Variants in ACCSL observed in about 807,000 individuals in gnomAD.
ACCSL encodes probable inactive 1-aminocyclopropane-1-carboxylate synthase-like protein 2.
In ACCSL, 55 loss-of-function variants were observed where a neutral mutation model predicts 61.7. The observed-to-expected ratio is 0.89, with a 90% CI of 0.72 to 1.12. ACCSL has a LOEUF of 1.12. Ranked by LOEUF, ACCSL falls within the 50% of genes most tolerant of loss-of-function variation. ACCSL has a pLI of 0.00. For missense variants in ACCSL, 632 were observed against 698.0 expected, an observed-to-expected ratio of 0.91 and a Z score of 1.07; for synonymous variants, 258 against 264.3, an observed-to-expected ratio of 0.98 and a Z score of 0.23.
At chr11:44,044,197 G>A (rs1318370227), upstream of ACCSL, among the ~76,000 whole-genome samples, 1 of 152,140 alleles carries the variant, frequency 6.6e-6, no homozygotes, top group East Asian at 1.9e-4. Context: ...CATGAAGCCA[G>A]GCTGGAGTTC....
the ACCSL span, among the ~76,000 whole-genome samples, chr11:44,039,516 A>AG: frequency 1.3e-5 from 2 of 152,090 alleles, no homozygotes; most frequent in African/African-American, 4.8e-5. Flanking sequence ...AAGGATGGGA[A>AG]GGGGGTGAGA....
At chr11:43,964,463 G>A in the ACCSL span, among the ~76,000 whole-genome samples, 1 of 150,114 alleles carries the variant, frequency 6.7e-6, no homozygotes, top group South Asian at 2.1e-4. Flanking sequence ...AGAAAGAAAT[G>A]TCTAGGGCCA....
At chr11:43,958,345 A>T in the ACCSL span, among the ~76,000 whole-genome samples, 32 of 152,196 alleles carry the variant, frequency 2.1e-4, no homozygotes, top group African/African-American at 7.7e-4. Flanking sequence ...TATGGCCCCC[A>T]CCCAGGAACT....
chr11:44,007,139 C>T, the ACCSL span, among the ~76,000 whole-genome samples: 1 of 152,204 alleles, frequency 6.6e-6, no homozygotes, highest in African/African-American at 2.4e-5. Flanking sequence ...ACCTGGCAGG[C>T]CCTAGGGCCA....
the ACCSL span, among the ~76,000 whole-genome samples, chr11:43,954,226 C>T: frequency 3.1e-4 from 47 of 152,238 alleles, no homozygotes; most frequent in South Asian, 9.3e-3. Flanking sequence ...CATACCGAAG[C>T]GGCCTCATTG....
intron 1 of ACCSL, among the ~76,000 whole-genome samples, chr11:44,048,801 C>G (rs1952617328): frequency 6.6e-6 from 1 of 152,146 alleles, no homozygotes; most frequent in South Asian, 2.1e-4. Context: ...CCTGTGGTCA[C>G]AGGGACAAAT....
the ACCSL span, among the ~76,000 whole-genome samples, chr11:44,009,342 G>T: frequency 6.6e-6 from 1 of 152,216 alleles, no homozygotes; most frequent in African/African-American, 2.4e-5. Context: ...ACACAGGAGG[G>T]TTCTACTGTT....
At chr11:43,987,788 C>G in the ACCSL span, among the ~76,000 whole-genome samples, 1 of 152,216 alleles carries the variant, frequency 6.6e-6, no homozygotes, top group Admixed American at 6.5e-5. Context: ...TAATCCAGCG[C>G]TCGGGGGGGT....
intron 5 of ACCSL, among the ~76,000 whole-genome samples, chr11:44,052,077 T>C (rs1475483289): frequency 6.6e-6 from 1 of 152,228 alleles, no homozygotes; most frequent in Non-Finnish European, 1.5e-5. Context: ...AAAAGGCTAA[T>C]TAGTCCTGGA....
the ACCSL span, among the ~76,000 whole-genome samples, chr11:43,967,164 C>CTTTTTTTTTTTTTT: frequency 1.5e-5 from 1 of 68,886 alleles, no homozygotes; most frequent in African/African-American, 6.0e-5. Context: ...TCTTCTTCTT[C>CTTTTTTTTTTTTTT]TTCTTTTTTT....
At chr11:44,023,599 C>A in the ACCSL span, among the ~76,000 whole-genome samples, 7 of 150,072 alleles carry the variant, frequency 4.7e-5, no homozygotes, top group African/African-American at 1.5e-4. Flanking sequence ...TTTCAAAGAA[C>A]CAACTTTTAG....
chr11:43,930,864 C>T, the ACCSL span, among the ~76,000 whole-genome samples: 1 of 152,134 alleles, frequency 6.6e-6, no homozygotes, highest in Non-Finnish European at 1.5e-5. Flanking sequence ...CTTCATGAAA[C>T]AATACTGTAT....
intron 2 of ACCSL, 63 bp from the exon 3 acceptor site, chr11:44,050,489 G>T: frequency 7.0e-7 from 1 of 1,430,538 alleles, no homozygotes; most frequent in Non-Finnish European, 9.8e-7. Flanking sequence ...TACAAACTAG[G>T]AGTAGAATGA....
At chr11:43,983,785 C>T in the ACCSL span, among the ~76,000 whole-genome samples, 9 of 151,950 alleles carry the variant, frequency 5.9e-5, no homozygotes, top group African/African-American at 2.2e-4. Context: ...TATGTGACCT[C>T]CTTGGAGCCC....
chr11:44,015,728 G>GGTGTACT, the ACCSL span, among the ~76,000 whole-genome samples: 6 of 152,276 alleles, frequency 3.9e-5, no homozygotes, highest in South Asian at 1.2e-3. Context: ...CCAGCAGGAT[G>GGTGTACT]GTGTACTAGA....
chr11:43,943,291 G>T, the ACCSL span: 1 of 1,472,800 alleles, frequency 6.8e-7, no homozygotes, highest in Non-Finnish European at 9.0e-7. The surrounding 1 kb of genome is among the most constrained non-coding windows in gnomAD (Gnocchi z 4.8). Flanking sequence ...CGCCCGCGGG[G>T]GGGACGCGCG....
chr11:44,057,908 A>G (rs1363915525), intron 11 of ACCSL, among the ~76,000 whole-genome samples: 1 of 152,220 alleles, frequency 6.6e-6, no homozygotes, highest in Non-Finnish European at 1.5e-5. Context: ...TGCAGTGGCT[A>G]ACACCTAAAA....
chr11:43,971,656 CAT>C, the ACCSL span: 1 of 152,248 alleles, frequency 6.6e-6, no homozygotes, highest in African/African-American at 2.4e-5. Context: ...GCTGGAAAGA[CAT>C]AGGAGGGGCC....
At position 44,059,874 on chromosome 11, in the gene ACCSL, A is replaced by G. The variant is rs1473726653; in HGVS notation, c.1661A>G (p.Lys554Arg). 1.9e-6 allele frequency: 3 copies of G among 1,613,918 alleles called. No individual in the cohort carries two copies. In the East Asian group the frequency reaches 6.7e-5, roughly 36 times the overall value. ...RRFCDVLQEQ[K>R]EALIVKQLED... ...TTCTGTGATGTGCTGCAGGAGCAGA[A>G]GGAGGCTTTGATAGTGAAGCAGTTG... is the stretch of plus-strand genomic sequence containing the variant. Residue 554 changes from lysine to arginine, a missense_variant, in exon 14 of 14, where the codon AAG becomes AGG. By Grantham distance (26) the Lys-to-Arg change is conservative. Transcript: ENST00000378832.
Sources: gnomAD v4.1 joint callset for allele counts (sites outside exome capture counted in the v4.1 genomes callset) on GRCh38, gnomAD v4.1.1 for gene constraint, Gnocchi (gnomAD v3.1) non-coding constraint, MANE v1.5 for transcripts, NCBI Gene and HGNC (gene_info 2026-07-23, HGNC 2026-07-21) for gene names.